Variants in KDM5B observed in about 807,000 individuals in gnomAD.
The protein encoded by KDM5B is lysine demethylase 5B.
KDM5B carries 144 observed loss-of-function variants against 193.4 expected under a neutral mutation model. The ratio of observed to expected loss-of-function variants is 0.74; its 90% CI spans 0.65 to 0.86. The LOEUF is 0.86. Ranked by LOEUF, KDM5B falls within the 40% of genes least tolerant of loss-of-function variation. KDM5B has a pLI of 0.00. For synonymous variants in KDM5B, 668 were observed against 682.6 expected, an observed-to-expected ratio of 0.98 and a Z score of 0.33; for missense variants, 1,833 against 1,886.9, an observed-to-expected ratio of 0.97 and a Z score of 0.53.
chr1:202,768,327 C>T (rs1656559946), intron 4 of KDM5B, among the ~76,000 whole-genome samples: 1 of 152,108 alleles, frequency 6.6e-6, no homozygotes, highest in Non-Finnish European at 1.5e-5. Context: ...CACGAAAAAC[C>T]TTTGTAAAAG....
chr1:202,783,456 G>C (rs562216101), intron 1 of KDM5B, among the ~76,000 whole-genome samples: 1 of 152,046 alleles, frequency 6.6e-6, no homozygotes, highest in Admixed American at 6.6e-5. Context: ...AGTGAGCCAC[G>C]ATCATGCTAC....
At chr1:202,773,374 G>A in intron 3 of KDM5B, 86 bp from the exon 4 acceptor site, 2 of 1,136,992 alleles carry the variant, frequency 1.8e-6, no homozygotes, top group South Asian at 1.4e-5. Flanking sequence ...AAATGTTCTT[G>A]GCTATGGTTA....
chr1:202,758,278 TTC>T, intron 9 of KDM5B, 111 bp downstream of exon 9: 1 of 734,734 alleles, frequency 1.4e-6, no homozygotes. Context: ...TCATTCTGCT[TTC>T]TGTGTGACAA....
intron 1 of KDM5B, among the ~76,000 whole-genome samples, chr1:202,800,287 C>A (rs1658020737): frequency 6.6e-6 from 1 of 152,060 alleles, no homozygotes; most frequent in African/African-American, 2.4e-5. Context: ...CATGATCCAC[C>A]TGCCTCGGCC....
At chr1:202,778,503 T>C (rs974961331) in intron 1 of KDM5B, among the ~76,000 whole-genome samples, 1 of 152,200 alleles carries the variant, frequency 6.6e-6, no homozygotes, top group African/African-American at 2.4e-5. Context: ...ACTGTATCCT[T>C]AAAAATGGTT....
intron 1 of KDM5B, among the ~76,000 whole-genome samples, chr1:202,786,460 C>T (rs1247988622): frequency 6.6e-6 from 1 of 152,192 alleles, no homozygotes; most frequent in African/African-American, 2.4e-5. Context: ...AACTTGTATA[C>T]TGTAAAAGTT....
chr1:202,739,452 T>G (rs1481326129), intron 20 of KDM5B, among the ~76,000 whole-genome samples: 1 of 151,940 alleles, frequency 6.6e-6, no homozygotes, highest in Non-Finnish European at 1.5e-5. Flanking sequence ...TTTTTTTTTT[T>G]TGCCTTTTTT....
intron 20 of KDM5B, among the ~76,000 whole-genome samples, chr1:202,738,326 G>A (rs569753007): frequency 6.6e-6 from 1 of 152,232 alleles, no homozygotes; most frequent in South Asian, 2.1e-4. Flanking sequence ...TCACCTTCTG[G>A]CTGCTAGCAA....
intron 1 of KDM5B, among the ~76,000 whole-genome samples, chr1:202,804,109 A>G (rs1658190053): frequency 6.6e-6 from 1 of 152,156 alleles, no homozygotes; most frequent in Non-Finnish European, 1.5e-5. Context: ...AAAAGTAGTT[A>G]CAAGTGAGTT....
At chr1:202,753,355 C>G (rs908386293) in intron 11 of KDM5B, among the ~76,000 whole-genome samples, 4 of 151,966 alleles carry the variant, frequency 2.6e-5, no homozygotes, top group Non-Finnish European at 4.4e-5. Flanking sequence ...ATTAGCCAGG[C>G]ATGGTGGCAG....
intron 4 of KDM5B, 192 bp from the exon 5 acceptor site, chr1:202,767,252 T>C: frequency 1.3e-6 from 2 of 1,595,222 alleles, no homozygotes; most frequent in Non-Finnish European, 8.6e-7. Context: ...AGTTGGTGTC[T>C]TACTACAAGG....
intron 4 of KDM5B, chr1:202,767,352 A>G: frequency 1.3e-6 from 2 of 1,584,132 alleles, no homozygotes; most frequent in Non-Finnish European, 1.7e-6. Context: ...AATTCTTCCC[A>G]GGGCCCTCCT....
In KDM5B at chr1:202,730,920, T is replaced by G; in HGVS notation, c.4165A>C (p.Ser1389Arg). Residue 1389 changes from serine to arginine, a missense_variant, in exon 25 of 27, where the codon AGC (serine) becomes CGC (arginine). Transcript: ENST00000367265. ...TCTCAGACACTCACCTTCTCACTGCTGGGTCTCACTGGTGAGCTTCGGTCA... is the reference window on the plus strand; with the variant it reads ...TCTCAGACACTCACCTTCTCACTGCGGGGTCTCACTGGTGAGCTTCGGTCA... ...QTDRSSPVRP[S>R]SEKNDCCRGK... The G allele has an allele frequency of 6.2e-7, 1 of 1,604,946 alleles. No homozygotes were observed. Among genetic ancestry groups the G allele is most frequent in the Non-Finnish European group, 8.5e-7 (1 of 1,174,052 alleles).
intron 19 of KDM5B, among the ~76,000 whole-genome samples, chr1:202,741,159 A>G (rs74385335): frequency 0.034 from 5,236 of 152,318 alleles, 132 homozygotes; most frequent in Non-Finnish European, 0.05. Flanking sequence ...TGAATTATTC[A>G]TTTTTAATCA....
At chr1:202,793,844 C>T (rs754905604) in intron 1 of KDM5B, among the ~76,000 whole-genome samples, 75 of 152,048 alleles carry the variant, frequency 4.9e-4, no homozygotes, top group Non-Finnish European at 8.7e-4. Flanking sequence ...CACAAGGTTA[C>T]CAGAGAAAAA....
chr1:202,790,070 C>T (rs1377766049), intron 1 of KDM5B, among the ~76,000 whole-genome samples: 1 of 151,666 alleles, frequency 6.6e-6, no homozygotes, highest in African/African-American at 2.4e-5. Context: ...TCGAGACCAG[C>T]CTGACCAACA....
chr1:202,749,961 T>C (rs894358200), intron 13 of KDM5B, among the ~76,000 whole-genome samples: 1 of 152,240 alleles, frequency 6.6e-6, no homozygotes, highest in Admixed American at 6.5e-5. Context: ...ACTTTACAAC[T>C]AATGAAACCA....
chr1:202,749,571 C>A (rs971130266), intron 13 of KDM5B, among the ~76,000 whole-genome samples: 1 of 147,924 alleles, frequency 6.8e-6, no homozygotes, highest in Non-Finnish European at 1.5e-5. Flanking sequence ...ATTTAAAAAA[C>A]AAACAAAACA....
chr1:202,775,516 G>A (rs1163871148), intron 2 of KDM5B, among the ~76,000 whole-genome samples: 1 of 127,664 alleles, frequency 7.8e-6, no homozygotes, highest in East Asian at 2.2e-4. Flanking sequence ...CAGCCCAGGT[G>A]ACAGTGCAAG....
Sources: allele counts gnomAD v4.1 joint callset (sites outside exome capture counted in the v4.1 genomes callset), GRCh38; gene constraint gnomAD v4.1.1; transcripts MANE v1.5; gene names NCBI Gene and HGNC (gene_info 2026-07-23, HGNC 2026-07-21).